The following CHSY3 variants were observed in gnomAD, a reference collection of about 807,000 sequenced individuals.
CHSY3 encodes the protein chondroitin sulfate synthase 3.
CHSY3 carries 35 observed loss-of-function variants against 67.2 expected under a neutral mutation model. The observed-to-expected ratio is 0.52, with a 90% CI of 0.40 to 0.69. The LOEUF is 0.69. Among genes scored for constraint, CHSY3 ranks in the 30% least tolerant of loss-of-function variants. CHSY3 has a pLI of 0.00. For synonymous variants in CHSY3, 474 were observed against 434.7 expected, an observed-to-expected ratio of 1.09 and a Z score of -1.12; for missense variants, 1,069 against 1,138.5, an observed-to-expected ratio of 0.94 and a Z score of 0.88.
intron 2 of CHSY3, among the ~76,000 whole-genome samples, chr5:130,100,716 A>G (rs1767214019): frequency 6.6e-6 from 1 of 152,220 alleles, no homozygotes; most frequent in Non-Finnish European, 1.5e-5. Context: ...TAACTTTATG[A>G]AGTTCATTTA....
Position 130,184,442 on chromosome 5 carries a change from C to A in CHSY3, c.1300C>A (p.Leu434Ile). 12 of 1,613,534 alleles carry A rather than the reference C, an allele frequency of 7.4e-6. No homozygotes were observed. The highest frequency in any genetic ancestry group is 9.3e-6 in the Non-Finnish European group (11 of 1,179,464). The change falls in exon 3 of 3, where the codon CTC becomes ATC. Residue 434 changes from leucine to isoleucine, a missense_variant. Leu to Ile is a conservative substitution (Grantham distance 5, BLOSUM62 2). Around this residue, in one of 5 missense-constraint regions of CHSY3, gnomAD observed 401 missense variants for 395.2 expected, o/e 1.01. Transcript: ENST00000305031. ...CAGGGAAAGTGCCCTGATGAGCAAG[C>A]TCAGTAACACAGAAGTGAGCAAAGA... ...LHRESALMSKLSNTEVSKEDQ... is the reference protein window; with the variant it reads ...LHRESALMSKISNTEVSKEDQ...
At chr5:129,971,962 T>G (rs1293176865) in intron 2 of CHSY3, among the ~76,000 whole-genome samples, 1 of 151,972 alleles carries the variant, frequency 6.6e-6, no homozygotes, top group African/African-American at 2.4e-5. Flanking sequence ...TTTAAACATC[T>G]CTTCATCTGC....
At chr5:130,116,242 TA>T (rs1767795941) in intron 2 of CHSY3, among the ~76,000 whole-genome samples, 1 of 152,200 alleles carries the variant, frequency 6.6e-6, no homozygotes, top group Non-Finnish European at 1.5e-5. Flanking sequence ...GCAATCATAC[TA>T]ATTATCTTAG....
At chr5:130,102,262 C>G (rs1767270709) in intron 2 of CHSY3, among the ~76,000 whole-genome samples, 1 of 151,976 alleles carries the variant, frequency 6.6e-6, no homozygotes, top group Middle Eastern at 3.2e-3. Flanking sequence ...CAGGTAGCAA[C>G]AAGACAAATA....
chr5:129,995,848 G>C (rs982212841), intron 2 of CHSY3, among the ~76,000 whole-genome samples: 1 of 151,622 alleles, frequency 6.6e-6, no homozygotes, highest in African/African-American at 2.4e-5. Context: ...CTTTCTCTCT[G>C]TTTCTCCCTT....
At chr5:129,986,436 G>T (rs920196537) in intron 2 of CHSY3, among the ~76,000 whole-genome samples, 1 of 151,976 alleles carries the variant, frequency 6.6e-6, no homozygotes, top group Non-Finnish European at 1.5e-5. Flanking sequence ...GCAATTACTT[G>T]TTGAGGATTT....
At chr5:130,095,156 A>C (rs990718605) in intron 2 of CHSY3, among the ~76,000 whole-genome samples, 1 of 152,216 alleles carries the variant, frequency 6.6e-6, no homozygotes, top group Admixed American at 6.5e-5. Context: ...AGATGCTTAC[A>C]TATGCATGAG....
At chr5:130,138,730 G>A (rs1248295921) in intron 2 of CHSY3, among the ~76,000 whole-genome samples, 1 of 152,152 alleles carries the variant, frequency 6.6e-6, no homozygotes, top group Non-Finnish European at 1.5e-5. Flanking sequence ...TTAGCAATCA[G>A]CAAAAGATTG....
intron 2 of CHSY3, among the ~76,000 whole-genome samples, chr5:130,183,683 T>C (rs1465566577): frequency 6.6e-6 from 1 of 152,168 alleles, no homozygotes; most frequent in East Asian, 1.9e-4. Flanking sequence ...CTCACTCATA[T>C]ATAGAAATCA....
intron 2 of CHSY3, among the ~76,000 whole-genome samples, chr5:130,057,884 A>ACAT (rs1765586454): frequency 1.3e-5 from 2 of 151,688 alleles, no homozygotes; most frequent in African/African-American, 4.9e-5. Context: ...TGCCTATGTC[A>ACAT]ACACATACAT....
intron 2 of CHSY3, among the ~76,000 whole-genome samples, chr5:130,130,596 T>C (rs1580764744): frequency 6.6e-6 from 1 of 152,180 alleles, no homozygotes; most frequent in African/African-American, 2.4e-5. Context: ...GCCCCAACTG[T>C]TGATGTTCAC....
intron 2 of CHSY3, among the ~76,000 whole-genome samples, chr5:129,972,616 T>C (rs1762675829): frequency 6.6e-6 from 1 of 151,888 alleles, no homozygotes; most frequent in Admixed American, 6.6e-5. Flanking sequence ...TGTGTGTGTG[T>C]GTATGTGTGT....
intron 2 of CHSY3, among the ~76,000 whole-genome samples, chr5:130,125,611 A>G (rs541019908): frequency 1.3e-5 from 2 of 152,218 alleles, no homozygotes; most frequent in African/African-American, 4.8e-5. Flanking sequence ...CCAAGTTAAT[A>G]CCTAATTAAC....
intron 2 of CHSY3, among the ~76,000 whole-genome samples, chr5:130,036,885 A>C (rs1445269466): frequency 6.6e-6 from 1 of 152,134 alleles, no homozygotes; most frequent in Admixed American, 6.6e-5. Context: ...GAAACTGGTA[A>C]AGAGCCATAG....
chr5:130,107,194 G>A (rs2052007), intron 2 of CHSY3, among the ~76,000 whole-genome samples: 26,677 of 151,018 alleles, frequency 0.18, 2,883 homozygotes, highest in East Asian at 0.37. Flanking sequence ...TATTTGATCA[G>A]AGCCTTCATT....
At chr5:130,135,211 C>A (rs997100119) in intron 2 of CHSY3, among the ~76,000 whole-genome samples, 41 of 151,454 alleles carry the variant, frequency 2.7e-4, no homozygotes, top group Admixed American at 2.2e-3. Flanking sequence ...TATATGTATA[C>A]ACACACAAAC....
intron 2 of CHSY3, among the ~76,000 whole-genome samples, chr5:130,148,729 G>A (rs954254534): frequency 1.3e-5 from 2 of 152,046 alleles, no homozygotes; most frequent in East Asian, 1.9e-4. Context: ...TTCTTTGCCC[G>A]CTTTTTAATG....
intron 2 of CHSY3, among the ~76,000 whole-genome samples, chr5:130,172,811 T>C (rs1471097143): frequency 1.3e-5 from 2 of 152,218 alleles, no homozygotes; most frequent in East Asian, 3.8e-4. Context: ...TTCTATAAAT[T>C]TGACTACTTT....
intron 2 of CHSY3, among the ~76,000 whole-genome samples, chr5:130,025,492 A>G (rs1764514915): frequency 6.6e-6 from 1 of 152,264 alleles, no homozygotes; most frequent in African/African-American, 2.4e-5. Flanking sequence ...AAAAGAAGCC[A>G]CGGAATCAAA....
Sources: gnomAD v4.1 joint callset for allele counts (sites outside exome capture counted in the v4.1 genomes callset) on GRCh38, gnomAD v4.1.1 for gene constraint, gnomAD v4.1.1 regional missense constraint, MANE v1.5 for transcripts, NCBI Gene and HGNC (gene_info 2026-07-23, HGNC 2026-07-21) for gene names.